ADD1: variants seen among roughly 807,000 people sequenced by gnomAD.
ADD1 encodes the protein alpha-adducin.
Under a neutral mutation model 80.5 loss-of-function variants are expected in ADD1, and 24 were observed. The observed-to-expected ratio is 0.30, with a 90% CI of 0.22 to 0.42. ADD1 has a LOEUF of 0.42. Ranked by LOEUF, ADD1 falls within the 10% of genes least tolerant of loss-of-function variation. The pLI is 1.00. For synonymous variants in ADD1, 373 were observed against 393.8 expected, an observed-to-expected ratio of 0.95 and a Z score of 0.63; for missense variants, 948 against 1,019.0, an observed-to-expected ratio of 0.93 and a Z score of 0.95.
At chr4:2,917,255 T>C (rs1297250536) in intron 14 of ADD1, among the ~76,000 whole-genome samples, 1 of 152,252 alleles carries the variant, frequency 6.6e-6, no homozygotes, top group East Asian at 1.9e-4. Flanking sequence ...TATCTCATTG[T>C]GGTTTTGATT....
Position 2,894,043 on chromosome 4 carries a change from C to T in ADD1, c.541C>T (p.Leu181Phe). The T allele has an allele frequency of 3.1e-6, 5 of 1,614,166 alleles. No individual in the cohort carries two copies. Among genetic ancestry groups the T allele is most frequent in the Non-Finnish European group, 3.4e-6 (4 of 1,179,994 alleles). ...TRVNSEQEHF[L>F]IVPFGLLYSE... ...AGTGAACTCCGAGCAGGAACACTTC[C>T]TCATTGTCCCTTTTGGGCTTCTTTA... The change falls in exon 5 of 16, where the codon CTC becomes TTC. Residue 181 changes from leucine (L) to phenylalanine (F), a missense_variant. Transcript: ENST00000683351.
At chr4:2,907,688 T>C in intron 10 of ADD1, 55 bp from the exon 11 acceptor site, 1 of 1,392,890 alleles carries the variant, frequency 7.2e-7, no homozygotes, top group Admixed American at 1.7e-5. Flanking sequence ...GATTGGATGC[T>C]ATGTCACTTA....
rs768969618 is a variant in ADD1 at position 2,875,928 on chromosome 4, T to C, written c.13T>C (p.Ser5Pro). ...GAAAGATTGTACAATGAATGGTGAT[T>C]CTCGTGCTGCGGTGGTGACCTCACC... Reference protein sequence around the residue: MNGDSRAAVVTSPPP... With the variant: MNGDPRAAVVTSPPP... The change falls in exon 2 of 16, where the codon TCT becomes CCT. Residue 5 changes from serine to proline, a missense_variant. Coordinates refer to ENST00000683351, the MANE Select transcript of ADD1 (RefSeq NM_001354761.2). 1 of 1,595,152 alleles carries C rather than the reference T, an allele frequency of 6.3e-7. No homozygotes were observed. The highest frequency in any genetic ancestry group is 2.2e-5 in the East Asian group (1 of 44,678).
At chr4:2,914,793 C>T (rs984179634) in intron 13 of ADD1, 91 bp from the exon 14 acceptor site, 1 of 1,475,660 alleles carries the variant, frequency 6.8e-7, no homozygotes. Flanking sequence ...GGAAAGCCTC[C>T]TGCCCCCGCC....
At chr4:2,925,940 C>G in intron 14 of ADD1, 74 bp from the exon 15 acceptor site, 1 of 1,355,156 alleles carries the variant, frequency 7.4e-7, no homozygotes, top group Non-Finnish European at 1.0e-6. Flanking sequence ...GCTGCCCCAT[C>G]TGCCATGGAG....
In ADD1 at chr4:2,914,943, T is replaced by G; in HGVS notation, c.1851T>G (p.Ile617Met). 1 of 1,614,044 alleles carries G rather than the reference T, an allele frequency of 6.2e-7. No homozygotes were observed. The highest frequency in any genetic ancestry group is 2.2e-5 in the East Asian group (1 of 44,866). The change falls in exon 14 of 16, where the codon ATT becomes ATG. Residue 617 changes from isoleucine (I) to methionine (M), a missense_variant. By Grantham distance (10) the Ile-to-Met change is conservative (BLOSUM62 1). Transcript: ENST00000683351. ...AAAAGGAGTACCAGCCCCACGTCATTGTGAGCACCACGGGCCCCAACCCCT... is the reference window on the plus strand; with the variant it reads ...AAAAGGAGTACCAGCCCCACGTCATGGTGAGCACCACGGGCCCCAACCCCT... ...IIEKEYQPHV[I>M]VSTTGPNPFT...
At position 2,850,427 on chromosome 4, in the gene ADD1, G is replaced by A. The variant is rs574515320; in HGVS notation, c.-21+6403G>A. Among the ~76,000 whole-genome samples, 15 of 150,404 alleles carry A rather than the reference G, an allele frequency of 1.0e-4. No individual in the cohort carries two copies. The East Asian group carries it at 2.2e-3, about 22-fold the overall frequency. On this transcript the variant is annotated intron_variant, in intron 1 of 15. Transcript: ENST00000683351. ...GGAACAGGTGTGTGCCACCATGCCC[G>A]GCTGATTTTTTTTTCTGAGACGGTG... is the stretch of plus-strand genomic sequence containing the variant.
At chr4:2,870,940 G>GT (rs56280770) in intron 1 of ADD1, among the ~76,000 whole-genome samples, 1 of 150,032 alleles carries the variant, frequency 6.7e-6, no homozygotes, top group African/African-American at 2.5e-5. Context: ...GCTGCATGCT[G>GT]TTTTTTTTGT....
rs1218928122 is a variant in ADD1 at position 2,895,927 on chromosome 4, A to G, written c.741+1196A>G. Among the ~76,000 whole-genome samples the G allele has an allele frequency of 2.0e-5, 3 of 149,232 alleles. No individual in the cohort carries two copies. The East Asian group carries it at 5.9e-4, about 29-fold the overall frequency. On this transcript the variant is annotated intron_variant, in intron 6 of 15. Transcript: ENST00000683351. ...TTTTGAGACGGAGTCTCGCTCTGTCATCCAGGCTGGAGTGCAATGGCGCGA... is the reference window on the plus strand; with the variant it reads ...TTTTGAGACGGAGTCTCGCTCTGTCGTCCAGGCTGGAGTGCAATGGCGCGA...
Position 2,909,444 on chromosome 4 carries a change from C to T in ADD1, c.1791+13C>T. On this transcript the variant is annotated intron_variant, in intron 13 of 15. Transcript: ENST00000683351. ...CTCTTTTAGAAAGGTACTCACTGCC[C>T]TGTCCTCACTACCTGTCTATGCGCC... is the stretch of plus-strand genomic sequence containing the variant. The T allele has an allele frequency of 2.6e-6, 4 of 1,538,606 alleles. No homozygotes were observed. Among genetic ancestry groups the T allele is most frequent in the Non-Finnish European group, 3.5e-6 (4 of 1,136,126 alleles).
At chr4:2,909,472 G>GCT in intron 13 of ADD1, 41 bp downstream of exon 13, 7 of 1,473,502 alleles carry the variant, frequency 4.8e-6, no homozygotes, top group African/African-American at 2.8e-5. Context: ...TATGCGCCTT[G>GCT]CTCCCCTCCC....
At chr4:2,846,600 G>A (rs1027699090) in intron 1 of ADD1, among the ~76,000 whole-genome samples, 65 of 152,086 alleles carry the variant, frequency 4.3e-4, no homozygotes, top group Non-Finnish European at 8.2e-4. Flanking sequence ...TTACAGAAAA[G>A]GGAGGATAAA....
At chr4:2,905,275 T>C in intron 10 of ADD1, 167 bp downstream of exon 10, 1 of 637,644 alleles carries the variant, frequency 1.6e-6, no homozygotes, top group Non-Finnish European at 2.7e-6. Flanking sequence ...ATTACTAAAA[T>C]TCGGATAATA....
intron 9 of ADD1, chr4:2,902,099 C>T (rs1736291803): frequency 6.6e-6 from 1 of 152,070 alleles, no homozygotes; most frequent in East Asian, 1.9e-4. Context: ...GTTCTGAGGT[C>T]TGAGTATTAC....
intron 9 of ADD1, chr4:2,901,537 GAAAT>G (rs1240160154): frequency 1.3e-5 from 2 of 152,174 alleles, no homozygotes; most frequent in Non-Finnish European, 2.9e-5. Flanking sequence ...TAGTTTATAA[GAAAT>G]AAACTAGACA....
At chr4:2,917,779 A>G (rs1452515286) in intron 14 of ADD1, among the ~76,000 whole-genome samples, 41 of 152,204 alleles carry the variant, frequency 2.7e-4, no homozygotes, top group Admixed American at 2.7e-3. Flanking sequence ...TTAAATAGGG[A>G]ATCCTTTTCC....
rs1366785489 is a variant in ADD1, at chr4:2,884,610, T to C, written c.454T>C (p.Phe152Leu). 9.9e-6 allele frequency: 16 copies of C among 1,612,972 alleles called. No individual in the cohort carries two copies. The highest frequency in any genetic ancestry group is 1.6e-4 in the Middle Eastern group (1 of 6,076). ...GTTATTACGGTGTAAATTGGCAGCG[T>C]TTTATAGACTAGCAGATCTCTTTGG... ...EKLLRCKLAAFYRLADLFGWS... is the reference protein window; with the variant it reads ...EKLLRCKLAALYRLADLFGWS... Residue 152 changes from phenylalanine to leucine, a missense_variant, in exon 4 of 16, where the codon TTT (phenylalanine) becomes CTT (leucine). Phe to Leu is a conservative substitution (Grantham distance 22). Coordinates refer to ENST00000683351, the MANE Select transcript of ADD1 (RefSeq NM_001354761.2).
chr4:2,929,459 CCCT>C lies in ADD1; in HGVS notation c.*938_*940del, dbSNP rs1712640557. Reference sequence around the variant, plus strand: ...TCGAGGTGGAGGGTAGCCCTGGGGCCCCTCGACATCACCGTCATTGATGGAGCC... The same window carrying C: ...TCGAGGTGGAGGGTAGCCCTGGGGCCCGACATCACCGTCATTGATGGAGCC... On this transcript the variant is annotated 3_prime_UTR_variant, in exon 16 of 16. Coordinates refer to ENST00000683351, the MANE Select transcript of ADD1 (RefSeq NM_001354761.2). The C allele has an allele frequency of 6.6e-6, 1 of 152,238 alleles. No individual in the cohort carries two copies. Among genetic ancestry groups the C allele is most frequent in the Non-Finnish European group, 1.5e-5 (1 of 68,110 alleles). 9.4% of individuals were successfully genotyped at this position (152,238 alleles called of 1,614,324 possible). A position where few individuals can be genotyped will look rare whatever the true frequency, so the allele number is the denominator to read the frequency against.
At chr4:2,925,566 G>A (rs1412068841) in intron 14 of ADD1, among the ~76,000 whole-genome samples, 1 of 152,118 alleles carries the variant, frequency 6.6e-6, no homozygotes, top group Non-Finnish European at 1.5e-5. Flanking sequence ...AAATTATTGG[G>A]ATAAAATGCC....
Sources: gnomAD v4.1 joint callset for allele counts (sites outside exome capture counted in the v4.1 genomes callset) on GRCh38, gnomAD v4.1.1 for gene constraint, MANE v1.5 for transcripts, NCBI Gene and HGNC (gene_info 2026-07-23, HGNC 2026-07-21) for gene names.